Variants in CCNY observed in about 807,000 individuals in gnomAD.
CCNY encodes cyclin Y, also known as cyclin-Y.
Under a neutral mutation model 42.8 loss-of-function variants are expected in CCNY, and 19 were observed. The ratio of observed to expected loss-of-function variants is 0.44; its 90% CI spans 0.31 to 0.65. The LOEUF (loss-of-function observed/expected upper bound fraction) is 0.65, where lower values mean the gene tolerates loss of function less well. CCNY is among the 30% of genes least tolerant of loss of function. The pLI is 0.07. For synonymous variants in CCNY, 165 were observed against 162.7 expected (o/e 1.01, Z -0.11); for missense variants, 370 against 437.3 (o/e 0.85, Z 1.37).
intron 3 of CCNY, among the ~76,000 whole-genome samples, chr10:35,309,055 C>T (rs751177055): frequency 3.3e-5 from 5 of 152,124 alleles, no homozygotes; most frequent in Non-Finnish European, 5.9e-5. Flanking sequence ...ATCTTGTAAA[C>T]ATTTGGACAG....
chr10:35,378,424 A>G (rs1394730406), intron 1 of CCNY, among the ~76,000 whole-genome samples: 2 of 152,180 alleles, frequency 1.3e-5, no homozygotes, highest in African/African-American at 4.8e-5. Flanking sequence ...TATAAAAGAA[A>G]AAAGGATTTT....
At chr10:35,430,218 TC>T (rs1838357290) in intron 1 of CCNY, among the ~76,000 whole-genome samples, 1 of 149,430 alleles carries the variant, frequency 6.7e-6, no homozygotes, top group South Asian at 2.1e-4. Flanking sequence ...GCGCCTGTAG[TC>T]CCAGCTACTT....
At chr10:35,408,854 G>GCT (rs1288778332) in intron 1 of CCNY, among the ~76,000 whole-genome samples, 1 of 152,014 alleles carries the variant, frequency 6.6e-6, no homozygotes, top group Non-Finnish European at 1.5e-5. Context: ...AGAGGTTTAC[G>GCT]CTAGAAATGG....
chr10:35,461,471 A>T (rs539314783), intron 1 of CCNY, among the ~76,000 whole-genome samples: 1 of 152,192 alleles, frequency 6.6e-6, no homozygotes, highest in Non-Finnish European at 1.5e-5. Context: ...AGGGTGATCA[A>T]GGACAAGGAG....
intron 1 of CCNY, among the ~76,000 whole-genome samples, chr10:35,370,341 C>T (rs1429822052): frequency 5.3e-5 from 8 of 151,918 alleles, no homozygotes; most frequent in Non-Finnish European, 7.4e-5. Flanking sequence ...TTAGTAGAGA[C>T]GGGGTTTCAC....
chr10:35,256,078 T>C (rs1793636832), intron 3 of CCNY, among the ~76,000 whole-genome samples: 1 of 152,208 alleles, frequency 6.6e-6, no homozygotes, highest in Non-Finnish European at 1.5e-5. Flanking sequence ...TTCCAACGGA[T>C]TGTGTCTTTG....
rs772962416 is a variant in CCNY at position 35,566,122 on chromosome 10, A to G, written c.846A>G (p.Ala282=). 3 of 1,614,244 alleles carry G rather than the reference A, an allele frequency of 1.9e-6. No individual in the cohort carries two copies. Among genetic ancestry groups the G allele is most frequent in the South Asian group, 1.1e-5 (1 of 91,088 alleles). The stretch of plus-strand genomic sequence containing the variant: ...ATTATTTTGATCTTCGTTCTCTGGC[A>G]GAAGCGAACAACCTGAGCTTTCCCT... The part of the protein sequence containing the change: ...AKYYFDLRSL[A]EANNLSFPLE... The change falls in exon 9 of 10, where the codon GCA becomes GCG. Residue 282 remains alanine (A), a synonymous_variant. Transcript: ENST00000374704.
chr10:35,397,206 CAA>C (rs1837545272), intron 1 of CCNY, among the ~76,000 whole-genome samples: 1 of 152,226 alleles, frequency 6.6e-6, no homozygotes, highest in East Asian at 1.9e-4. Flanking sequence ...GGAAACAAAA[CAA>C]AAGTGTTGAA....
At chr10:35,396,646 C>A (rs908296395) in intron 1 of CCNY, among the ~76,000 whole-genome samples, 1 of 152,220 alleles carries the variant, frequency 6.6e-6, no homozygotes, top group African/African-American at 2.4e-5. Flanking sequence ...GTGAGGAGGT[C>A]CAGACAGTTT....
At chr10:35,458,666 C>T (rs1047335190) in intron 1 of CCNY, among the ~76,000 whole-genome samples, 5 of 152,162 alleles carry the variant, frequency 3.3e-5, no homozygotes, top group African/African-American at 1.2e-4. Context: ...TGTAATCTTA[C>T]CTTCCGCATC....
chr10:35,541,421 G>A (rs980326916), intron 7 of CCNY, among the ~76,000 whole-genome samples: 8 of 151,950 alleles, frequency 5.3e-5, no homozygotes, highest in East Asian at 1.9e-4. Flanking sequence ...TTTTTGCGAC[G>A]GATCTCATTC....
At chr10:35,470,086 CAG>C (rs751807846) in intron 1 of CCNY, among the ~76,000 whole-genome samples, 13 of 133,352 alleles carry the variant, frequency 9.7e-5, no homozygotes, top group African/African-American at 1.7e-4. Flanking sequence ...AATGGAGAGA[CAG>C]AGAGATGGAG....
At chr10:35,334,733 T>C (rs1244957809), upstream of CCNY, among the ~76,000 whole-genome samples, 1 of 152,170 alleles carries the variant, frequency 6.6e-6, no homozygotes, top group African/African-American at 2.4e-5. Context: ...GCGTTTAAAA[T>C]ATGGACTAAT....
chr10:35,490,289 A>C (rs559968185), intron 2 of CCNY, among the ~76,000 whole-genome samples: 2 of 152,230 alleles, frequency 1.3e-5, no homozygotes, highest in Non-Finnish European at 2.9e-5. Context: ...AATCAGTCTT[A>C]CATTATTTTT....
At chr10:35,370,764 G>A (rs1023443176) in intron 1 of CCNY, among the ~76,000 whole-genome samples, 2 of 151,464 alleles carry the variant, frequency 1.3e-5, no homozygotes, top group Non-Finnish European at 2.9e-5. Flanking sequence ...CGCCCAGGCT[G>A]GAGTGCAGTG....
intron 3 of CCNY, 96 bp from the exon 4 acceptor site, chr10:35,516,427 T>A: frequency 1.3e-6 from 1 of 790,254 alleles, no homozygotes; most frequent in Middle Eastern, 2.2e-4. Context: ...ACATTTTTCC[T>A]CTGTGGTCTT....
At chr10:35,529,068 C>T (rs967749014) in intron 5 of CCNY, among the ~76,000 whole-genome samples, 2 of 152,192 alleles carry the variant, frequency 1.3e-5, no homozygotes, top group Admixed American at 6.5e-5. Flanking sequence ...CAGAGCCCAG[C>T]GGCCCACGGT....
chr10:35,479,888 C>T (rs1043534277), intron 1 of CCNY, among the ~76,000 whole-genome samples: 5 of 152,036 alleles, frequency 3.3e-5, no homozygotes, highest in Non-Finnish European at 5.9e-5. Context: ...GGATCTTTTT[C>T]CTTCATGGCT....
At chr10:35,434,072 C>G (rs965842442) in intron 1 of CCNY, 1 of 152,178 alleles carries the variant, frequency 6.6e-6, no homozygotes, top group Non-Finnish European at 1.5e-5. Flanking sequence ...TGTGAATTGT[C>G]TTTGCTGGAA....
Sources: gnomAD v4.1 joint callset for allele counts (sites outside exome capture counted in the v4.1 genomes callset) on GRCh38, gnomAD v4.1.1 for gene constraint, MANE v1.5 for transcripts, NCBI Gene and HGNC (gene_info 2026-07-23, HGNC 2026-07-21) for gene names.